KPNA1: variants seen among roughly 807,000 people sequenced by gnomAD.
KPNA1 encodes the protein importin subunit alpha-5.
In KPNA1, 10 loss-of-function variants were observed where a neutral mutation model predicts 70.5. The observed-to-expected ratio is 0.14, with a 90% confidence interval of 0.09 to 0.24. The LOEUF (loss-of-function observed/expected upper bound fraction) is 0.24. Ranked by LOEUF, KPNA1 falls within the 10% of genes least tolerant of loss-of-function variation. KPNA1 has a pLI of 1.00. For synonymous variants in KPNA1, 192 were observed against 221.9 expected (o/e 0.87, Z 1.20); for missense variants, 397 against 637.9 (o/e 0.62, Z 4.07).
In KPNA1 at chr3:122,426,945, A is replaced by G. The variant is rs2075830672; in HGVS notation, c.*40T>C. The G allele has an allele frequency of 1.9e-6, 3 of 1,546,602 alleles. No homozygotes were observed. Among genetic ancestry groups the G allele is most frequent in the South Asian group, 2.2e-5 (2 of 88,922 alleles). The stretch of plus-strand genomic sequence containing the variant: ...GCTCCACAAGAGGACTCGACTGGGT[A>G]GCCTGGTCTGACACAGGTACGTGAA... On this transcript the variant is annotated 3_prime_UTR_variant, in exon 14 of 14. Coordinates refer to ENST00000344337, the MANE Select transcript of KPNA1 (RefSeq NM_002264.4).
intron 1 of KPNA1, among the ~76,000 whole-genome samples, chr3:122,507,512 C>T (rs1387490060): frequency 6.6e-6 from 1 of 151,070 alleles, no homozygotes; most frequent in Non-Finnish European, 1.5e-5. Context: ...TTTTATCTTC[C>T]AAATTTTCTG....
chr3:122,441,974 ACATGAT>A, intron 10 of KPNA1, 58 bp downstream of exon 10: 2 of 1,071,552 alleles, frequency 1.9e-6, no homozygotes, highest in Non-Finnish European at 2.9e-6. Context: ...GATAATAGAA[ACATGAT>A]CATGAAGTTC....
intron 12 of KPNA1, among the ~76,000 whole-genome samples, chr3:122,429,654 T>G (rs139397365): frequency 4.2e-4 from 64 of 152,280 alleles, no homozygotes; most frequent in African/African-American, 1.4e-3. Context: ...AGATTCAATG[T>G]GATACTCCCA....
In KPNA1 at chr3:122,424,600, T is replaced by A. The variant is rs2075798379; in HGVS notation, c.*2385A>T. 1 of 152,670 alleles carries A rather than the reference T, an allele frequency of 6.6e-6. No homozygotes were observed. Among genetic ancestry groups the A allele is most frequent in the Non-Finnish European group, 1.5e-5 (1 of 68,042 alleles). The allele number at this position is 152,670 out of a possible 1,614,324, so 9.5% of individuals were successfully genotyped here. Reference sequence around the variant, plus strand: ...TTAAATAGACTTTGTTTTAATTCACTCACTGAAACATCTCCAACTACTAGC... The same window carrying A: ...TTAAATAGACTTTGTTTTAATTCACACACTGAAACATCTCCAACTACTAGC... On this transcript the variant is annotated 3_prime_UTR_variant, in exon 14 of 14. Coordinates refer to ENST00000344337, the MANE Select transcript of KPNA1 (RefSeq NM_002264.4).
intron 1 of KPNA1, among the ~76,000 whole-genome samples, chr3:122,503,695 T>A (rs990266949): frequency 6.6e-6 from 1 of 152,224 alleles, no homozygotes; most frequent in African/African-American, 2.4e-5. Flanking sequence ...TGGTCATTAT[T>A]TTTTCTCTTT....
intron 2 of KPNA1, among the ~76,000 whole-genome samples, chr3:122,479,738 C>T (rs909711531): frequency 5.9e-5 from 9 of 152,144 alleles, no homozygotes; most frequent in African/African-American, 1.9e-4. Flanking sequence ...CTAGCCTAGG[C>T]GACAGAACAA....
intron 3 of KPNA1, among the ~76,000 whole-genome samples, chr3:122,466,366 A>G (rs529752235): frequency 6.6e-6 from 1 of 152,288 alleles, no homozygotes; most frequent in African/African-American, 2.4e-5. Flanking sequence ...TAAGCGGAAG[A>G]AAGATTTTTC....
At position 122,422,347 on chromosome 3, in the gene KPNA1, A is replaced by C. The variant is rs1394805208; in HGVS notation, c.*4638T>G. The stretch of plus-strand genomic sequence containing the variant: ...TACTAAACACAAAATCATTTGCACA[A>C]AAAAAAAAAAAAAAAAAACCTATTA... On this transcript the variant is annotated 3_prime_UTR_variant, in exon 14 of 14. Coordinates refer to ENST00000344337, the MANE Select transcript of KPNA1 (RefSeq NM_002264.4). 1.4e-4 allele frequency: 8 copies of C among 57,414 alleles called. No individual in the cohort carries two copies. Among genetic ancestry groups the C allele is most frequent in the Admixed American group, 1.4e-4 (1 of 7,366 alleles). The allele number at this position is 57,414 out of a possible 1,614,324, so 3.6% of individuals were successfully genotyped here.
rs760354794 is a variant in KPNA1 at position 122,427,124 on chromosome 3, T to C, written c.1478A>G (p.Tyr493Cys). 1.9e-6 allele frequency: 3 copies of C among 1,614,144 alleles called. No individual in the cohort carries two copies. The highest frequency in any genetic ancestry group is 2.5e-6 in the Non-Finnish European group (3 of 1,179,986). ...CTCAATAAGATCAAAGGCCTTTTGG[T>C]AGATCTCCTGGTTTTCATGACTCTG... is the stretch of plus-strand genomic sequence containing the variant. ...FLQSHENQEI[Y>C]QKAFDLIEHY... Residue 493 changes from tyrosine to cysteine, a missense_variant, in exon 14 of 14, where the codon TAC becomes TGC. Coordinates refer to ENST00000344337, the MANE Select transcript of KPNA1 (RefSeq NM_002264.4).
chr3:122,496,503 G>A lies in KPNA1; in HGVS notation c.63C>T (p.Pro21=), dbSNP rs376417401. 41 of 1,613,504 alleles carry A rather than the reference G, an allele frequency of 2.5e-5. No homozygotes were observed. Among genetic ancestry groups the A allele is most frequent in the Non-Finnish European group, 3.2e-5 (38 of 1,179,740 alleles). The change falls in exon 2 of 14, where the codon CCC becomes CCT. Residue 21 remains proline, a synonymous_variant. Coordinates refer to ENST00000344337, the MANE Select transcript of KPNA1 (RefSeq NM_002264.4). ...CCTCCCTCCTCCTGCGCATCTCATC[G>A]GGATTCAGAGATTTGTTCTTGTAAC... ...LKSYKNKSLN[P]DEMRRRREEE...
rs111954054 is a variant in KPNA1, at chr3:122,459,888, T to C, written c.432+1336A>G. The C allele has an allele frequency of 7.2e-5, 71 of 985,346 alleles. No homozygotes were observed. In the African/African-American group the frequency reaches 1.0e-3, roughly 14 times the overall value. The allele number at this position is 985,346 out of a possible 1,614,324, so 61.0% of individuals were successfully genotyped here. ...GGAGAGAAAACATCAAGGCAAATCA[T>C]CAAGTTGTATGAATAATCTATAATG... is the stretch of plus-strand genomic sequence containing the variant. On this transcript the variant is annotated intron_variant, in intron 5 of 13. Transcript: ENST00000344337.
chr3:122,460,274 A>C lies in KPNA1; in HGVS notation c.432+950T>G, dbSNP rs758556823. The C allele has an allele frequency of 7.3e-4, 715 of 979,200 alleles. 1 individual carries two copies. The highest frequency in any genetic ancestry group is 8.2e-4 in the Non-Finnish European group (679 of 824,362). 60.7% of individuals were successfully genotyped at this position (979,200 alleles called of 1,614,324 possible). On this transcript the variant is annotated intron_variant, in intron 5 of 13. Transcript: ENST00000344337. ...TAAAAACCCAACTTTATCCAGGGGGAAAAAAAATAGTAGTTTAGAATTTCT... is the reference window on the plus strand; with the variant it reads ...TAAAAACCCAACTTTATCCAGGGGGCAAAAAAATAGTAGTTTAGAATTTCT...
intron 10 of KPNA1, among the ~76,000 whole-genome samples, chr3:122,441,396 G>C (rs2076060083): frequency 1.3e-5 from 2 of 152,164 alleles, no homozygotes; most frequent in African/African-American, 4.8e-5. Flanking sequence ...AAAGCTATCA[G>C]AGAAGGTGAT....
chr3:122,471,632 A>G (rs569896671), intron 2 of KPNA1, among the ~76,000 whole-genome samples: 54 of 152,346 alleles, frequency 3.5e-4, no homozygotes, highest in Non-Finnish European at 6.6e-4. Context: ...ACACGAGGCC[A>G]AGAGTTCAAG....
intron 12 of KPNA1, 84 bp from the exon 13 acceptor site, chr3:122,427,800 C>T: frequency 1.2e-6 from 1 of 822,544 alleles, no homozygotes; most frequent in Non-Finnish European, 1.8e-6. Context: ...TCCTCAACTT[C>T]ACTGCAGAGA....
Position 122,461,337 on chromosome 3 carries a change from A to T in KPNA1, c.338-19T>A, listed in dbSNP as rs2076321903. 1 of 1,537,680 alleles carries T rather than the reference A, an allele frequency of 6.5e-7. No individual in the cohort carries two copies. The highest frequency in any genetic ancestry group is 8.9e-7 in the Non-Finnish European group (1 of 1,122,280). On this transcript the variant is annotated intron_variant, in intron 4 of 13. Coordinates refer to ENST00000344337, the MANE Select transcript of KPNA1 (RefSeq NM_002264.4). ...TTAGGTTCTGTTTCCCCATAAAATA[A>T]AAGAAAAAAAAAATCCTTTGATTTC... is the stretch of plus-strand genomic sequence containing the variant.
chr3:122,513,241 CAG>C lies in KPNA1; in HGVS notation c.-6+1514_-6+1515del, dbSNP rs536729935. On this transcript the variant is annotated intron_variant, in intron 1 of 13. Coordinates refer to ENST00000344337, the MANE Select transcript of KPNA1 (RefSeq NM_002264.4). The stretch of plus-strand genomic sequence containing the variant: ...TTCATCTGTAAAATAGAAAAATTAA[CAG>C]ATACTTCAGATTCAAATGTTTTTAA... 2.2e-3 allele frequency among the ~76,000 whole-genome samples: 332 copies of C among 152,276 alleles called. 3 individuals are homozygous for C. Among genetic ancestry groups the C allele is most frequent in the African/African-American group, 7.8e-3 (324 of 41,572 alleles).
chr3:122,458,030 G>A (rs573381849), intron 5 of KPNA1, among the ~76,000 whole-genome samples: 57 of 152,306 alleles, frequency 3.7e-4, no homozygotes, highest in African/African-American at 1.3e-3. Context: ...AGCTTTTAGA[G>A]GGGACAAGAA....
chr3:122,470,992 G>C (rs1056606328), intron 2 of KPNA1, among the ~76,000 whole-genome samples: 1 of 152,158 alleles, frequency 6.6e-6, no homozygotes, highest in African/African-American at 2.4e-5. Context: ...CTATTCAGGG[G>C]TGAGGGAACT....
Sources: allele counts gnomAD v4.1 joint callset (sites outside exome capture counted in the v4.1 genomes callset), GRCh38; gene constraint gnomAD v4.1.1; transcripts MANE v1.5; gene names NCBI Gene and HGNC (gene_info 2026-07-23, HGNC 2026-07-21).